MAPK8IP3: variants seen among roughly 807,000 people sequenced by gnomAD.
MAPK8IP3 encodes C-Jun-amino-terminal kinase-interacting protein 3.
In MAPK8IP3, 49 loss-of-function variants were observed where a neutral mutation model predicts 157.8. The observed-to-expected ratio is 0.31, with a 90% confidence interval of 0.25 to 0.39. MAPK8IP3 has a LOEUF of 0.39. MAPK8IP3 is among the 10% of genes least tolerant of loss of function. MAPK8IP3 has a pLI of 1.00. For synonymous variants in MAPK8IP3, 897 were observed against 777.7 expected, an observed-to-expected ratio of 1.15 and a Z score of -2.55; for missense variants, 1,478 against 1,889.4, an observed-to-expected ratio of 0.78 and a Z score of 4.04.
At chr16:1,729,035 C>G (rs1215709460) in intron 2 of MAPK8IP3, 103 bp from the exon 3 acceptor site, 1 of 1,143,272 alleles carries the variant, frequency 8.7e-7, no homozygotes, top group Non-Finnish European at 1.3e-6. Flanking sequence ...GACCCAGAGT[C>G]CCAGCCTTGT....
intron 4 of MAPK8IP3, among the ~76,000 whole-genome samples, chr16:1,738,118 G>GTGAGCGTCCGTA (rs1193804215): frequency 8.0e-5 from 8 of 99,622 alleles, no homozygotes; most frequent in East Asian, 8.1e-4. Context: ...GACCGTCCGT[G>GTGAGCGTCCGTA]TGAGCGTGAC....
At chr16:1,744,932 GTTT>G (rs200740598) in intron 5 of MAPK8IP3, 1 of 978,720 alleles carries the variant, frequency 1.0e-6, no homozygotes, top group Non-Finnish European at 1.2e-6. Flanking sequence ...TTTTTTTGTT[GTTT>G]TTTGTTTTGT....
chr16:1,718,807 C>T (rs1726573680), intron 1 of MAPK8IP3, among the ~76,000 whole-genome samples: 1 of 151,818 alleles, frequency 6.6e-6, no homozygotes. Flanking sequence ...AAAGAATGTT[C>T]CAGCATCCAC....
intron 8 of MAPK8IP3, chr16:1,752,497 C>A (rs1164242884): frequency 2.7e-6 from 1 of 364,302 alleles, no homozygotes; most frequent in Non-Finnish European, 5.5e-6. Context: ...AATCCCAGAG[C>A]TTTGGGAGGC....
chr16:1,726,345 C>T (rs1006247498), intron 2 of MAPK8IP3, among the ~76,000 whole-genome samples: 1 of 152,216 alleles, frequency 6.6e-6, no homozygotes, highest in Non-Finnish European at 1.5e-5. Context: ...GAAACATTCT[C>T]AGCTCTCTTC....
intron 1 of MAPK8IP3, among the ~76,000 whole-genome samples, chr16:1,722,742 T>C (rs978752521): frequency 6.6e-6 from 1 of 152,144 alleles, no homozygotes; most frequent in Non-Finnish European, 1.5e-5. Context: ...TCTCGCTCTG[T>C]CGCCCAGGCT....
At chr16:1,738,079 AGT>A (rs1440570283) in intron 4 of MAPK8IP3, among the ~76,000 whole-genome samples, 4 of 57,488 alleles carry the variant, frequency 7.0e-5, no homozygotes, top group Admixed American at 2.4e-4. Context: ...TCCGTGTGAG[AGT>A]GTGACCATCC....
Position 1,766,890 on chromosome 16 carries a change from C to T in MAPK8IP3, c.3021-14C>T, listed in dbSNP as rs571119703. 2 of 1,606,168 alleles carry T rather than the reference C, an allele frequency of 1.2e-6. No homozygotes were observed. Among genetic ancestry groups the T allele is most frequent in the East Asian group, 4.5e-5 (2 of 44,722 alleles). Reference sequence around the variant, plus strand: ...AGCCTGGCCCAAACCAGGCTCACCGCATTCCTGTTTCAGGCATGTCAAAGG... The same window carrying T: ...AGCCTGGCCCAAACCAGGCTCACCGTATTCCTGTTTCAGGCATGTCAAAGG... On this transcript the variant is annotated splice_polypyrimidine_tract_variant and intron_variant, in intron 24 of 31. Coordinates refer to ENST00000610761, the MANE Select transcript of MAPK8IP3 (RefSeq NM_001318852.2).
At chr16:1,720,676 T>A (rs1296074438) in intron 1 of MAPK8IP3, among the ~76,000 whole-genome samples, 1 of 152,222 alleles carries the variant, frequency 6.6e-6, no homozygotes, top group Non-Finnish European at 1.5e-5. Flanking sequence ...TGCAGAAACA[T>A]ACATTGTTTA....
chr16:1,763,277 G>T (rs544842612), intron 16 of MAPK8IP3, among the ~76,000 whole-genome samples: 1 of 152,254 alleles, frequency 6.6e-6, no homozygotes, highest in Non-Finnish European at 1.5e-5. Context: ...TGGGCTCCAC[G>T]GTGGCCTCTG....
In MAPK8IP3 at chr16:1,724,500, G is replaced by A. The variant is rs553302663; in HGVS notation, c.319-57G>A. 2 of 1,581,248 alleles carry A rather than the reference G, an allele frequency of 1.3e-6. No homozygotes were observed. The highest frequency in any genetic ancestry group is 1.3e-5 in the African/African-American group (1 of 74,342). ...AAAGCCTGCGGCCCTTCAAGTGAAA[G>A]GCGGCTGCTCCACACTCACTCCTGA... On this transcript the variant is annotated intron_variant, in intron 1 of 31. Coordinates refer to ENST00000610761, the MANE Select transcript of MAPK8IP3 (RefSeq NM_001318852.2). The surrounding 1 kb of genome is among the most constrained non-coding windows in gnomAD (Gnocchi z 4.1).
intron 15 of MAPK8IP3, 24 bp from the exon 16 acceptor site, chr16:1,762,812 C>G: frequency 6.2e-7 from 1 of 1,609,418 alleles, no homozygotes; most frequent in Non-Finnish European, 8.5e-7. Context: ...CTGCCCACCC[C>G]TCACCTCCCT....
chr16:1,707,195 G>A (rs764366023), intron 1 of MAPK8IP3: 1 of 153,258 alleles, frequency 6.5e-6, no homozygotes, highest in Non-Finnish European at 1.5e-5. Flanking sequence ...TTCTTAGGGG[G>A]CTGCAGCCGT....
At chr16:1,759,902 G>T in intron 10 of MAPK8IP3, 56 bp from the exon 11 acceptor site, 2 of 1,480,648 alleles carry the variant, frequency 1.4e-6, no homozygotes, top group South Asian at 1.1e-5. Context: ...AGGTGCGGCG[G>T]CATCAGTGAC....
chr16:1,735,704 C>T (rs1370845195), intron 4 of MAPK8IP3, among the ~76,000 whole-genome samples: 2 of 124,256 alleles, frequency 1.6e-5, no homozygotes, highest in African/African-American at 3.2e-5. Flanking sequence ...TGTGCCTGTC[C>T]GTGTGAGCAT....
chr16:1,757,825 G>C (rs1044866268), intron 8 of MAPK8IP3, among the ~76,000 whole-genome samples: 1 of 152,182 alleles, frequency 6.6e-6, no homozygotes, highest in Non-Finnish European at 1.5e-5. Context: ...CTCTTCACAG[G>C]CCTGCATCAT....
intron 2 of MAPK8IP3, among the ~76,000 whole-genome samples, chr16:1,728,609 T>C (rs1437493711): frequency 1.3e-5 from 2 of 148,940 alleles, no homozygotes; most frequent in Admixed American, 1.3e-4. Flanking sequence ...CTGAGTGTTC[T>C]CCCATGGCAC....
chr16:1,736,794 G>A lies in MAPK8IP3; in HGVS notation c.603-6538G>A, dbSNP rs1326572699. On this transcript the variant is annotated intron_variant, in intron 4 of 31. Transcript: ENST00000610761. ...TCTGTGTGACCATCCGTGTGTGACC[G>A]TCCGTGTGAGCGTGTGACCGTCCGT... Among the ~76,000 whole-genome samples the A allele has an allele frequency of 2.4e-4, 15 of 62,008 alleles. 1 individual carries two copies. Among genetic ancestry groups the A allele is most frequent in the Admixed American group, 4.2e-4 (2 of 4,750 alleles). 40.7% of individuals were successfully genotyped at this position (62,008 alleles called of 152,430 possible).
In MAPK8IP3 at chr16:1,768,533, G is replaced by A; in HGVS notation, c.3799G>A (p.Gly1267Arg). The A allele has an allele frequency of 6.4e-7, 1 of 1,560,752 alleles. No homozygotes were observed. The highest frequency in any genetic ancestry group is 8.7e-7 in the Non-Finnish European group (1 of 1,154,110). Residue 1267 changes from glycine (G) to arginine (R), a missense_variant, in exon 31 of 32, where the codon GGG (glycine) becomes AGG (arginine). Physicochemically the swap from Gly to Arg is moderately radical, Grantham distance 125 (BLOSUM62 -2). Coordinates refer to ENST00000610761, the MANE Select transcript of MAPK8IP3 (RefSeq NM_001318852.2). ...SVLDSPAEGP[G>R]PAAPASEVEG... ...GCTGGACAGCCCAGCCGAGGGCCCTGGGCCAGCTGCCCCTGCCTCGGAGGT... is the reference window on the plus strand; with the variant it reads ...GCTGGACAGCCCAGCCGAGGGCCCTAGGCCAGCTGCCCCTGCCTCGGAGGT...
Sources: gnomAD v4.1 joint callset for allele counts (sites outside exome capture counted in the v4.1 genomes callset) on GRCh38, gnomAD v4.1.1 for gene constraint, Gnocchi (gnomAD v3.1) non-coding constraint, MANE v1.5 for transcripts, NCBI Gene and HGNC (gene_info 2026-07-23, HGNC 2026-07-21) for gene names.